Variants in LIMCH1 observed in about 807,000 individuals in gnomAD.
The protein encoded by LIMCH1 is LIM and calponin homology domains-containing protein 1.
LIMCH1 carries 113 observed loss-of-function variants against 176.5 expected under a neutral mutation model. The observed-to-expected ratio is 0.64, with a 90% CI of 0.55 to 0.75. LIMCH1 has a LOEUF of 0.75. Among genes scored for constraint, LIMCH1 ranks in the 30% least tolerant of loss-of-function variants. The pLI, the probability that LIMCH1 is intolerant of heterozygous loss-of-function variation, is 0.00. For synonymous variants in LIMCH1, 619 were observed against 645.9 expected, an observed-to-expected ratio of 0.96 and a Z score of 0.63; for missense variants, 1,674 against 1,814.9, an observed-to-expected ratio of 0.92 and a Z score of 1.41.
chr4:41,553,107 A>G (rs2080738747), intron 1 of LIMCH1, among the ~76,000 whole-genome samples: 1 of 152,162 alleles, frequency 6.6e-6, no homozygotes, highest in African/African-American at 2.4e-5. Flanking sequence ...TTCTGGAGTG[A>G]TGGCCAGTTG....
chr4:41,603,960 G>T (rs953089456), intron 3 of LIMCH1, 55 bp downstream of exon 3: 17 of 1,480,634 alleles, frequency 1.1e-5, no homozygotes, highest in Non-Finnish European at 1.5e-5. Flanking sequence ...GTAAAATTTA[G>T]CTAATTCAGT....
At chr4:41,679,531 G>T (rs1713912619) in intron 23 of LIMCH1, among the ~76,000 whole-genome samples, 1 of 152,190 alleles carries the variant, frequency 6.6e-6, no homozygotes, top group Admixed American at 6.5e-5. Context: ...GAGTAATTCA[G>T]CTATTCAGCT....
intron 1 of LIMCH1, among the ~76,000 whole-genome samples, chr4:41,487,841 A>G (rs550262915): frequency 9.2e-4 from 138 of 150,282 alleles, no homozygotes; most frequent in African/African-American, 3.3e-3. Flanking sequence ...TTTAGTAGAG[A>G]CGGGGTTTCA....
In LIMCH1 at chr4:41,633,085, T is replaced by C. The variant is rs1330959924; in HGVS notation, c.1829T>C (p.Leu610Pro). Residue 610 changes from leucine to proline, a missense_variant and splice_region_variant, in exon 12 of 32, where the codon CTG (leucine) becomes CCG (proline). Physicochemically the swap from Leu to Pro is moderately conservative, Grantham distance 98. This residue lies in a region of LIMCH1 where 1,015 missense variants were observed against 1,102.5 expected (regional missense o/e 0.92). Coordinates refer to ENST00000503057, the MANE Select transcript of LIMCH1 (RefSeq NM_001330672.2). ...AGATCAGAGGACAGCAGCCAGCCAC[T>C]GTGAGCATCTTGCCTGCGCTCTGCT... ...AERSEDSSQP[L>P]VCPLASECEA... The C allele has an allele frequency of 1.5e-5, 23 of 1,530,644 alleles. No homozygotes were observed. The East Asian group carries it at 3.9e-4, about 26-fold the overall frequency. The allele number at this position is 1,530,644 out of a possible 1,614,324, so 94.8% of individuals were successfully genotyped here. A position where few individuals can be genotyped will look rare whatever the true frequency, so the allele number is the denominator to read the frequency against.
intron 1 of LIMCH1, among the ~76,000 whole-genome samples, chr4:41,583,002 T>A (rs978302796): frequency 2.0e-5 from 3 of 152,204 alleles, no homozygotes; most frequent in African/African-American, 7.2e-5. Flanking sequence ...AGTTCAATGG[T>A]GTTAATACGT....
intron 1 of LIMCH1, chr4:41,473,315 T>C (rs1164690394): frequency 1.3e-5 from 5 of 372,926 alleles, no homozygotes; most frequent in Non-Finnish European, 1.9e-5. Context: ...TGTTGCATAA[T>C]GGATGAGGCT....
chr4:41,381,942 G>T (rs1264618493), intron 1 of LIMCH1, among the ~76,000 whole-genome samples: 1 of 152,194 alleles, frequency 6.6e-6, no homozygotes, highest in Non-Finnish European at 1.5e-5. Context: ...GATCCCAGTA[G>T]TACCCCCACT....
chr4:41,535,624 C>T (rs532104135), upstream of LIMCH1, among the ~76,000 whole-genome samples: 26 of 152,094 alleles, frequency 1.7e-4, no homozygotes, highest in Non-Finnish European at 3.1e-4. Context: ...TGAGTTAGAA[C>T]GGGTTAGGAG....
chr4:41,575,651 T>A (rs2084339095), intron 1 of LIMCH1, among the ~76,000 whole-genome samples: 1 of 152,234 alleles, frequency 6.6e-6, no homozygotes, highest in African/African-American at 2.4e-5. Context: ...ATGAGATTTT[T>A]AAAACACATT....
chr4:41,690,452 T>C (rs1160399518), intron 30 of LIMCH1, among the ~76,000 whole-genome samples: 1 of 152,224 alleles, frequency 6.6e-6, no homozygotes, highest in Non-Finnish European at 1.5e-5. Context: ...AGCTGGACTA[T>C]ATCAGCATAT....
At chr4:41,434,737 G>A (rs1009157153) in intron 1 of LIMCH1, among the ~76,000 whole-genome samples, 11 of 152,136 alleles carry the variant, frequency 7.2e-5, no homozygotes, top group Non-Finnish European at 1.5e-5. Flanking sequence ...GGCTGGTCTT[G>A]GACTCCTGAC....
intron 1 of LIMCH1, among the ~76,000 whole-genome samples, chr4:41,539,242 T>A (rs1295754595): frequency 6.6e-6 from 1 of 152,176 alleles, no homozygotes; most frequent in Non-Finnish European, 1.5e-5. Flanking sequence ...TTCTTCATGG[T>A]GCTGAATAGA....
chr4:41,374,641 T>C (rs911836079), intron 1 of LIMCH1, among the ~76,000 whole-genome samples: 2 of 152,160 alleles, frequency 1.3e-5, no homozygotes, highest in African/African-American at 4.8e-5. Flanking sequence ...CTCTAAAAAA[T>C]AGACAGTTGA....
intron 1 of LIMCH1, among the ~76,000 whole-genome samples, chr4:41,442,883 T>C (rs980512113): frequency 6.6e-6 from 1 of 152,202 alleles, no homozygotes; most frequent in Admixed American, 6.6e-5. Context: ...AGATTTTTAA[T>C]ATGAAGAAAG....
intron 2 of LIMCH1, among the ~76,000 whole-genome samples, chr4:41,603,016 A>G (rs1452603033): frequency 6.6e-6 from 1 of 152,172 alleles, no homozygotes; most frequent in Non-Finnish European, 1.5e-5. Context: ...ATGGACTTAA[A>G]ATGGTTCACT....
At chr4:41,562,178 A>T (rs2082152793) in intron 1 of LIMCH1, among the ~76,000 whole-genome samples, 2 of 152,176 alleles carry the variant, frequency 1.3e-5, no homozygotes, top group Non-Finnish European at 2.9e-5. Flanking sequence ...AAAGAGGCCC[A>T]TCAACCTCTC....
At chr4:41,417,426 A>C (rs1201794011) in intron 1 of LIMCH1, among the ~76,000 whole-genome samples, 1 of 152,200 alleles carries the variant, frequency 6.6e-6, no homozygotes, top group East Asian at 1.9e-4. Flanking sequence ...ATCAGAAGCA[A>C]GCTGAAGAGC....
intron 8 of LIMCH1, among the ~76,000 whole-genome samples, chr4:41,627,285 G>A (rs2093030521): frequency 6.6e-6 from 1 of 152,154 alleles, no homozygotes; most frequent in African/African-American, 2.4e-5. Flanking sequence ...CCAGTGTGTA[G>A]ATGTGCTGAA....
intron 2 of LIMCH1, among the ~76,000 whole-genome samples, chr4:41,510,565 A>G (rs949464974): frequency 3.9e-5 from 6 of 151,908 alleles, no homozygotes; most frequent in African/African-American, 1.2e-4. Context: ...TTTCTTAAAT[A>G]GCCTACTAAG....
Sources: allele counts gnomAD v4.1 joint callset (sites outside exome capture counted in the v4.1 genomes callset), GRCh38; gene constraint gnomAD v4.1.1; regional missense constraint gnomAD v4.1.1; transcripts MANE v1.5; gene names NCBI Gene and HGNC (gene_info 2026-07-23, HGNC 2026-07-21).